IQGAP3: variants seen among roughly 807,000 people sequenced by gnomAD.
The protein encoded by IQGAP3 is IQ motif containing GTPase activating protein 3.
A neutral mutation model predicts 208.2 loss-of-function variants in IQGAP3; 165 were observed. That is an observed-to-expected ratio of 0.79 (90% CI 0.70 to 0.90). The LOEUF (loss-of-function observed/expected upper bound fraction) is 0.90. IQGAP3 is among the 40% of genes least tolerant of loss of function. IQGAP3 has a pLI of 0.00. For missense variants in IQGAP3, 1,811 were observed against 2,043.1 expected, an observed-to-expected ratio of 0.89 and a Z score of 2.19; for synonymous variants, 703 against 803.6, an observed-to-expected ratio of 0.87 and a Z score of 2.12.
rs187378804 is a variant in IQGAP3, at chr1:156,565,853, A to G, written c.360+174T>C. 2.2e-4 allele frequency among the ~76,000 whole-genome samples: 34 copies of G among 152,334 alleles called. No homozygotes were observed. The East Asian group carries it at 3.1e-3, about 14-fold the overall frequency. On this transcript the variant is annotated intron_variant, in intron 4 of 37. Coordinates refer to ENST00000361170, the MANE Select transcript of IQGAP3 (RefSeq NM_178229.5). ...ATCCACAGGGAAGAGGAGGCAGAGA[A>G]AAAAATAACCTGGTTCAAAGACACA... is the stretch of plus-strand genomic sequence containing the variant.
At chr1:156,562,694 G>A (rs376107496) in intron 8 of IQGAP3, 29 bp from the exon 9 acceptor site, 21 of 1,573,622 alleles carry the variant, frequency 1.3e-5, no homozygotes, top group Non-Finnish European at 1.8e-5. Context: ...AAGGGAACCT[G>A]GGAAACCCAA....
chr1:156,566,860 G>GTTTTT (rs1557947713), intron 2 of IQGAP3, among the ~76,000 whole-genome samples: 1 of 142,220 alleles, frequency 7.0e-6, no homozygotes. Context: ...CTAGTTACAT[G>GTTTTT]CTTTTTTTTT....
chr1:156,529,055 G>A lies in IQGAP3; in HGVS notation c.4432C>T (p.His1478Tyr). The A allele has an allele frequency of 1.2e-6, 2 of 1,614,240 alleles. No homozygotes were observed. Among genetic ancestry groups the A allele is most frequent in the Non-Finnish European group, 1.7e-6 (2 of 1,180,042 alleles). The stretch of plus-strand genomic sequence containing the variant: ...TTCACCAGCTCTGCCTTCCGCCTGT[G>A]CCTGTGTCTGTGCTGGTTGCGGATG... ...KDIRNQHRHRHRRKAELVKLQ... is the reference protein window; with the variant it reads ...KDIRNQHRHRYRRKAELVKLQ... The change falls in exon 35 of 38, where the codon CAC becomes TAC. Residue 1478 changes from histidine to tyrosine, a missense_variant. Coordinates refer to ENST00000361170, the MANE Select transcript of IQGAP3 (RefSeq NM_178229.5).
At chr1:156,549,492 A>G (rs562960127) in intron 16 of IQGAP3, among the ~76,000 whole-genome samples, 1 of 151,868 alleles carries the variant, frequency 6.6e-6, no homozygotes, top group East Asian at 1.9e-4. Flanking sequence ...AAAAAAGAAA[A>G]AAAAAATTAG....
At chr1:156,535,858 G>A (rs933624707) in intron 27 of IQGAP3, among the ~76,000 whole-genome samples, 1 of 152,198 alleles carries the variant, frequency 6.6e-6, no homozygotes, top group Non-Finnish European at 1.5e-5. Flanking sequence ...TCTAGAAAAT[G>A]GGAATGATCA....
At chr1:156,538,303 G>A (rs1228464641) in intron 26 of IQGAP3, among the ~76,000 whole-genome samples, 8 of 152,062 alleles carry the variant, frequency 5.3e-5, no homozygotes, top group Admixed American at 2.6e-4. Flanking sequence ...CTCGTGATCC[G>A]CCTGCCTCGG....
At chr1:156,554,755 C>A (rs1452011658) in intron 12 of IQGAP3, among the ~76,000 whole-genome samples, 1 of 152,160 alleles carries the variant, frequency 6.6e-6, no homozygotes, top group Non-Finnish European at 1.5e-5. Flanking sequence ...TTGGTCCCTA[C>A]TGCATATCAA....
intron 1 of IQGAP3, among the ~76,000 whole-genome samples, chr1:156,570,668 T>C (rs557302515): frequency 8.5e-5 from 13 of 152,264 alleles, no homozygotes; most frequent in Admixed American, 7.2e-4. Context: ...CACCACCATG[T>C]CTGGCTAATT....
intron 18 of IQGAP3, 49 bp downstream of exon 18, chr1:156,548,299 C>G: frequency 6.2e-7 from 1 of 1,607,886 alleles, no homozygotes; most frequent in East Asian, 2.2e-5. Context: ...GCCTCTTCTT[C>G]AGGACATTCC....
chr1:156,530,601 A>G (rs1473605678), intron 33 of IQGAP3, among the ~76,000 whole-genome samples: 1 of 152,174 alleles, frequency 6.6e-6, no homozygotes, highest in Non-Finnish European at 1.5e-5. Flanking sequence ...AACCCAGGCC[A>G]TGGCATAAAG....
intron 23 of IQGAP3, 119 bp from the exon 24 acceptor site, chr1:156,540,109 T>C: frequency 8.7e-7 from 1 of 1,145,946 alleles, no homozygotes; most frequent in Non-Finnish European, 1.3e-6. Flanking sequence ...GGAACAGGCA[T>C]AAGCTGGGGG....
intron 2 of IQGAP3, among the ~76,000 whole-genome samples, chr1:156,568,599 G>A (rs1284401224): frequency 1.3e-5 from 2 of 152,074 alleles, no homozygotes; most frequent in Non-Finnish European, 2.9e-5. Flanking sequence ...GGCTCACTGT[G>A]GCCTCCTCGA....
intron 27 of IQGAP3, 37 bp from the exon 28 acceptor site, chr1:156,535,284 C>T (rs1183763260): frequency 1.4e-6 from 2 of 1,399,220 alleles, no homozygotes; most frequent in East Asian, 2.3e-5. Context: ...GGCTGTGCCT[C>T]TGCCCATCTC....
At chr1:156,537,565 G>A (rs959286643) in intron 26 of IQGAP3, among the ~76,000 whole-genome samples, 5 of 152,202 alleles carry the variant, frequency 3.3e-5, no homozygotes, top group Non-Finnish European at 7.3e-5. Context: ...AACAGAGAAC[G>A]TGGAATCTAG....
intron 12 of IQGAP3, 26 bp downstream of exon 12, chr1:156,556,507 G>A (rs778055743): frequency 4.3e-6 from 7 of 1,613,188 alleles, no homozygotes; most frequent in Admixed American, 1.7e-5. Context: ...AGACTGCAGA[G>A]CTAGACCCAC....
chr1:156,538,102 C>G (rs1674791915), intron 26 of IQGAP3, among the ~76,000 whole-genome samples: 5 of 151,938 alleles, frequency 3.3e-5, no homozygotes, highest in Admixed American at 3.3e-4. Flanking sequence ...GCTCTGTCGC[C>G]CAGCCTGGAG....
chr1:156,533,734 G>A (rs772774699), intron 31 of IQGAP3, 39 bp downstream of exon 31: 111 of 1,542,598 alleles, frequency 7.2e-5, no homozygotes, highest in Non-Finnish European at 9.4e-5. Context: ...CTCCATGCAG[G>A]TCCCCTAGCT....
Position 156,534,543 on chromosome 1 carries a change from C to A in IQGAP3, c.3698G>T (p.Arg1233Leu), listed in dbSNP as rs745895086. The A allele has an allele frequency of 6.2e-7, 1 of 1,604,420 alleles. No homozygotes were observed. Among genetic ancestry groups the A allele is most frequent in the African/African-American group, 1.3e-5 (1 of 74,432 alleles). The change falls in exon 29 of 38, where the codon CGG becomes CTG. Residue 1233 changes from arginine to leucine, a missense_variant. Arg to Leu is a moderately radical substitution (Grantham distance 102). Transcript: ENST00000361170. ...KAFSGQSQHL[R>L]VLNDYLEETH... ...TTCCTCCAGATAGTCATTCAGGACC[C>A]GTAGGTGCTGGCTCTGCCCAGAGAA...
chr1:156,534,484 G>C lies in IQGAP3; in HGVS notation c.3740+17C>G, dbSNP rs757856946. On this transcript the variant is annotated intron_variant, in intron 29 of 37. Coordinates refer to ENST00000361170, the MANE Select transcript of IQGAP3 (RefSeq NM_178229.5). Reference sequence around the variant, plus strand: ...GAAGAGGGAAGAAAGGGGACAGAGAGGAAAGGGACCCAAGACCTGAACTTG... The same window carrying C: ...GAAGAGGGAAGAAAGGGGACAGAGACGAAAGGGACCCAAGACCTGAACTTG... The C allele has an allele frequency of 6.6e-7, 1 of 1,524,194 alleles. No homozygotes were observed. The highest frequency in any genetic ancestry group is 1.3e-5 in the South Asian group (1 of 79,580). 94.4% of individuals were successfully genotyped at this position (1,524,194 alleles called of 1,614,324 possible). A position where few individuals can be genotyped will look rare whatever the true frequency, so the allele number is the denominator to read the frequency against.
Sources: gnomAD v4.1 joint callset for allele counts (sites outside exome capture counted in the v4.1 genomes callset) on GRCh38, gnomAD v4.1.1 for gene constraint, MANE v1.5 for transcripts, NCBI Gene and HGNC (gene_info 2026-07-23, HGNC 2026-07-21) for gene names.